Variants in CDH13 observed in about 807,000 individuals in gnomAD.
The protein encoded by CDH13 is cadherin-13.
A neutral mutation model predicts 63.8 loss-of-function variants in CDH13; 24 were observed. That is an observed-to-expected ratio of 0.38 (90% CI 0.27 to 0.53). CDH13 has a LOEUF of 0.53. CDH13 is among the 20% of genes least tolerant of loss of function. The pLI is 0.85. For synonymous variants in CDH13, 503 were observed against 355.3 expected, an observed-to-expected ratio of 1.42 and a Z score of -4.67; for missense variants, 1,049 against 903.1, an observed-to-expected ratio of 1.16 and a Z score of -2.07.
intron 4 of CDH13, among the ~76,000 whole-genome samples, chr16:83,134,051 T>G (rs1385977348): frequency 6.6e-6 from 1 of 152,192 alleles, no homozygotes; most frequent in East Asian, 1.9e-4. Flanking sequence ...CCTGCTTTGT[T>G]GTTAGAATGG....
chr16:83,439,747 A>G (rs1272276577), intron 6 of CDH13, among the ~76,000 whole-genome samples: 2 of 152,196 alleles, frequency 1.3e-5, no homozygotes, highest in African/African-American at 4.8e-5. Context: ...CTCTGAAATC[A>G]TGTTTGACAG....
intron 7 of CDH13, among the ~76,000 whole-genome samples, chr16:83,524,852 T>A (rs546471563): frequency 6.6e-6 from 1 of 152,170 alleles, no homozygotes; most frequent in African/African-American, 2.4e-5. Context: ...GGGGCCACCA[T>A]CTAACACAGA....
chr16:83,152,237 C>G, intron 4 of CDH13, among the ~76,000 whole-genome samples: 1 of 152,292 alleles, frequency 6.6e-6, no homozygotes, highest in South Asian at 2.1e-4. Context: ...TGACTGTGAA[C>G]TAGTGCTCTC....
intron 7 of CDH13, among the ~76,000 whole-genome samples, chr16:83,500,202 A>G (rs1414695502): frequency 2.7e-5 from 4 of 150,398 alleles, no homozygotes; most frequent in African/African-American, 9.8e-5. Flanking sequence ...ACACTATCAC[A>G]TTTGAATTCA....
chr16:83,290,557 C>G lies in CDH13; in HGVS notation c.637-54305C>G, dbSNP rs554264883. ...GTGAGGCCTCCCCACTCATGTGGGA[C>G]TATGAGTTCATTAAACTCCTTTTTC... On this transcript the variant is annotated intron_variant, in intron 5 of 13. Coordinates refer to ENST00000567109, the MANE Select transcript of CDH13 (RefSeq NM_001257.5). Among the ~76,000 whole-genome samples the G allele has an allele frequency of 1.5e-3, 233 of 152,262 alleles. 1 individual carries two copies. The highest frequency in any genetic ancestry group is 2.6e-3 in the Non-Finnish European group (176 of 68,018).
chr16:82,787,370 T>C (rs901547717), intron 1 of CDH13, among the ~76,000 whole-genome samples: 4 of 152,076 alleles, frequency 2.6e-5, no homozygotes, highest in Non-Finnish European at 5.9e-5. Flanking sequence ...TCCTGGGGGG[T>C]AAACAGAAAA....
At chr16:83,136,271 C>G (rs1299447410) in intron 4 of CDH13, among the ~76,000 whole-genome samples, 3 of 151,628 alleles carry the variant, frequency 2.0e-5, no homozygotes, top group Non-Finnish European at 4.4e-5. Flanking sequence ...ATCATGAGGT[C>G]AGGAGATCGA....
In CDH13 at chr16:82,988,494, G is replaced by T. The variant is rs369892826; in HGVS notation, c.158-43516G>T. On this transcript the variant is annotated intron_variant, in intron 2 of 13. Transcript: ENST00000567109. ...ACTGAGTAATCGGCCAGGCACAGTGGCTCACACATGTAATCCCAGCAGTTT... is the reference window on the plus strand; with the variant it reads ...ACTGAGTAATCGGCCAGGCACAGTGTCTCACACATGTAATCCCAGCAGTTT... 7.2e-5 allele frequency among the ~76,000 whole-genome samples: 11 copies of T among 152,076 alleles called. No homozygotes were observed. In the East Asian group the frequency reaches 1.4e-3, roughly 19 times the overall value.
chr16:83,010,946 T>C (rs1281107692), intron 2 of CDH13, among the ~76,000 whole-genome samples: 1 of 152,212 alleles, frequency 6.6e-6, no homozygotes, highest in Non-Finnish European at 1.5e-5. Context: ...TGGCTCCTTC[T>C]TTTCTTTCCA....
intron 4 of CDH13, among the ~76,000 whole-genome samples, chr16:83,154,268 A>G (rs1428458729): frequency 6.6e-6 from 1 of 152,174 alleles, no homozygotes; most frequent in Non-Finnish European, 1.5e-5. Context: ...ATAAAAATGT[A>G]TCTTTTGGCC....
At chr16:82,890,672 G>C (rs2041049399) in intron 2 of CDH13, among the ~76,000 whole-genome samples, 1 of 118,234 alleles carries the variant, frequency 8.5e-6, no homozygotes, top group Non-Finnish European at 1.7e-5. Context: ...TTTTTTCCAA[G>C]ACTAACTTTT....
At chr16:83,081,215 C>T (rs563573849) in intron 3 of CDH13, among the ~76,000 whole-genome samples, 3 of 152,156 alleles carry the variant, frequency 2.0e-5, no homozygotes, top group East Asian at 3.9e-4. Flanking sequence ...AGTTAGGATT[C>T]AAATCAGTCT....
At chr16:83,265,102 G>A (rs574840869) in intron 5 of CDH13, among the ~76,000 whole-genome samples, 2 of 152,274 alleles carry the variant, frequency 1.3e-5, no homozygotes, top group South Asian at 4.1e-4. Flanking sequence ...ACTTGTCAAT[G>A]TCTTTAAATG....
At chr16:83,245,495 T>G (rs1227226586) in intron 5 of CDH13, among the ~76,000 whole-genome samples, 1 of 152,236 alleles carries the variant, frequency 6.6e-6, no homozygotes, top group Middle Eastern at 3.2e-3. Context: ...TGGCCTCCTT[T>G]GGAAAGTAAA....
Position 83,337,887 on chromosome 16 carries a change from G to A in CDH13, c.637-6975G>A, listed in dbSNP as rs546571282. Among the ~76,000 whole-genome samples, 17 of 151,932 alleles carry A rather than the reference G, an allele frequency of 1.1e-4. No homozygotes were observed. The South Asian group carries it at 3.1e-3, about 28-fold the overall frequency. On this transcript the variant is annotated intron_variant, in intron 5 of 13. Transcript: ENST00000567109. ...GCAAGAGTAAAAAGTAGCAATCAAT[G>A]TAAAGCAAAGCTACTAAGTAAATAG...
rs150321182 is a variant in CDH13, at chr16:82,672,804, C to T, written c.45+45667C>T. Among the ~76,000 whole-genome samples the T allele has an allele frequency of 2.1e-3, 278 of 132,380 alleles. 1 individual carries two copies. Among genetic ancestry groups the T allele is most frequent in the African/African-American group, 4.7e-3 (168 of 35,770 alleles). 86.8% of individuals were successfully genotyped at this position (132,380 alleles called of 152,430 possible). On this transcript the variant is annotated intron_variant, in intron 1 of 13. Transcript: ENST00000567109. ...ACACACACACACACACACACACATA[C>T]ACACACACACACAAAATATATATAT...
At chr16:82,869,694 A>C (rs141831011) in intron 2 of CDH13, among the ~76,000 whole-genome samples, 1,623 of 152,288 alleles carry the variant, frequency 0.011, 36 homozygotes, top group African/African-American at 0.037. Flanking sequence ...CAGTGAACTC[A>C]TTTTTGACAA....
At chr16:82,697,739 T>TTGTGTGTGTGTG (rs56791322) in intron 1 of CDH13, among the ~76,000 whole-genome samples, 5 of 146,582 alleles carry the variant, frequency 3.4e-5, no homozygotes, top group African/African-American at 1.3e-4. Flanking sequence ...GGCCGAGGCA[T>TTGTGTGTGTGTG]TGTGTGTGTG....
At chr16:83,476,113 T>C (rs957803501) in intron 6 of CDH13, among the ~76,000 whole-genome samples, 4 of 152,250 alleles carry the variant, frequency 2.6e-5, no homozygotes, top group Admixed American at 6.5e-5. Flanking sequence ...CTTATTCATG[T>C]ATTTATTCAC....
Sources: gnomAD v4.1 joint callset for allele counts (sites outside exome capture counted in the v4.1 genomes callset) on GRCh38, gnomAD v4.1.1 for gene constraint, MANE v1.5 for transcripts, NCBI Gene and HGNC (gene_info 2026-07-23, HGNC 2026-07-21) for gene names.